KIR2DL1: variants seen among roughly 807,000 people sequenced by gnomAD.
The protein encoded by KIR2DL1 is killer cell immunoglobulin-like receptor 2DL1.
In KIR2DL1, 38 loss-of-function variants were observed where a neutral mutation model predicts 33.9. That is an observed-to-expected ratio of 1.12 (90% confidence interval 0.86 to 1.47). The LOEUF (loss-of-function observed/expected upper bound fraction) is 1.47. Among genes scored for constraint, KIR2DL1 ranks in the 40% most tolerant of loss-of-function variants. The probability of loss-of-function intolerance (pLI) is 0.00; values close to 1 mark genes in which losing one functional copy is unlikely to be tolerated. For missense variants in KIR2DL1, 531 were observed against 433.9 expected, an observed-to-expected ratio of 1.22 and a Z score of -1.99; for synonymous variants, 179 against 165.9, an observed-to-expected ratio of 1.08 and a Z score of -0.61.
intron 4 of KIR2DL1, among the ~76,000 whole-genome samples, chr19:54,778,172 ATGAT>A (rs957660191): frequency 6.8e-6 from 1 of 147,978 alleles, no homozygotes; most frequent in Admixed American, 6.9e-5. Flanking sequence ...AGGCAAGAGA[ATGAT>A]TGAACCCAGG....
intron 2 of KIR2DL1, among the ~76,000 whole-genome samples, chr19:54,772,377 C>G (rs867689208): frequency 6.1e-5 from 9 of 147,302 alleles, no homozygotes; most frequent in South Asian, 2.2e-4. Flanking sequence ...CCAGAGGGAA[C>G]GAAGCCCTGC....
At position 54,769,904 on chromosome 19, in the gene KIR2DL1, AGAGG is replaced by A; in HGVS notation, c.34+28_34+31del. 6.4e-7 allele frequency: 1 copy of A among 1,556,762 alleles called. No individual in the cohort carries two copies. The highest frequency in any genetic ancestry group is 8.8e-7 in the Non-Finnish European group (1 of 1,137,578). On this transcript the variant is annotated intron_variant, in intron 1 of 7. Transcript: ENST00000336077. ...GTGTTGGTGAGTCCTGGAAAGCAAT[AGAGG>A]GAGGGAGTGAGGGGATGGAGATCTG...
chr19:54,770,144 A>T (rs1479881851), intron 1 of KIR2DL1, among the ~76,000 whole-genome samples: 2 of 141,068 alleles, frequency 1.4e-5, no homozygotes, highest in African/African-American at 2.7e-5. Context: ...TGGAGGGGAG[A>T]TAGGAACCTG....
chr19:54,773,421 C>T lies in KIR2DL1; in HGVS notation c.159C>T (p.Val53=). 1.3e-6 allele frequency: 2 copies of T among 1,591,572 alleles called. No homozygotes were observed. Among genetic ancestry groups the T allele is most frequent in the Non-Finnish European group, 1.7e-6 (2 of 1,163,064 alleles). The change falls in exon 3 of 8, where the codon GTC becomes GTT. Residue 53 remains valine (V), a synonymous_variant. Transcript: ENST00000336077. ...ETVILQCWSD[V]MFEHFLLHRE... is the part of the protein sequence containing the mutation. ...TCATCCTGCAGTGTTGGTCAGATGT[C>T]ATGTTTGAACACTTCCTTCTGCACA...
Position 54,782,302 on chromosome 19 carries a change from T to G in KIR2DL1, c.716-620T>G, listed in dbSNP as rs1282250876. On this transcript the variant is annotated intron_variant, in intron 5 of 7. Transcript: ENST00000336077. Reference sequence around the variant, plus strand: ...AGTTGCTGTCTTAGGCCATTTTTGTTGCTCTAAAGGAACACTTGAGCCTCG... The same window carrying G: ...AGTTGCTGTCTTAGGCCATTTTTGTGGCTCTAAAGGAACACTTGAGCCTCG... Among the ~76,000 whole-genome samples, 689 of 152,034 alleles carry G rather than the reference T, an allele frequency of 4.5e-3. 5 individuals are homozygous for G. The highest frequency in any genetic ancestry group is 0.016 in the African/African-American group (657 of 41,368).
intron 5 of KIR2DL1, 131 bp downstream of exon 5, chr19:54,778,793 T>TCCCTTTCGCTGTAGGAGTATCTGG: frequency 8.5e-7 from 1 of 1,172,036 alleles, no homozygotes; most frequent in Non-Finnish European, 1.3e-6. Context: ...GAACTCCAGA[T>TCCCTTTCGCTGTAGGAGTATCTGG]ACTCCTACAG....
At chr19:54,779,778 C>T (rs554679634) in intron 5 of KIR2DL1, among the ~76,000 whole-genome samples, 3 of 149,012 alleles carry the variant, frequency 2.0e-5, no homozygotes, top group South Asian at 2.1e-4. Flanking sequence ...TGCATTTGGC[C>T]TCTGCCCTTG....
chr19:54,779,697 T>A (rs1375381116), intron 5 of KIR2DL1, among the ~76,000 whole-genome samples: 2 of 149,160 alleles, frequency 1.3e-5, no homozygotes, highest in Admixed American at 1.4e-4. Flanking sequence ...ATTCACAAGC[T>A]ATGGAGGCTA....
At chr19:54,781,464 C>A (rs868348231) in intron 5 of KIR2DL1, among the ~76,000 whole-genome samples, 4 of 150,566 alleles carry the variant, frequency 2.7e-5, no homozygotes, top group South Asian at 2.1e-4. Context: ...TCCCCCACCT[C>A]ACCCCTACTT....
At position 54,783,648 on chromosome 19, in the gene KIR2DL1, A is replaced by G. The variant is rs2077322041; in HGVS notation, c.882A>G (p.Glu294=). 1.2e-6 allele frequency: 2 copies of G among 1,613,994 alleles called. No homozygotes were observed. Among genetic ancestry groups the G allele is most frequent in the South Asian group, 2.2e-5 (2 of 91,080 alleles). Residue 294 remains glutamate, a synonymous_variant, in exon 8 of 8, where the codon GAA becomes GAG. Transcript: ENST00000336077. ...NRTANSEDSD[E]QDPQEVTYTQ... ...TTCCCTCTCTCCAGGACTCTGATGA[A>G]CAAGACCCTCAGGAGGTGACATACA...
At chr19:54,783,080 G>C in intron 6 of KIR2DL1, 57 bp downstream of exon 6, 1 of 1,555,698 alleles carries the variant, frequency 6.4e-7, no homozygotes, top group Non-Finnish European at 8.9e-7. Flanking sequence ...AAGCAGGATG[G>C]GAGCACTCAG....
chr19:54,769,805 G>A lies in KIR2DL1; in HGVS notation c.-46G>A, dbSNP rs1600669344. ...GGCGCCAAATAACATCCTGTGCGCT[G>A]CTGAGCTGAGCTCGGTCGCGGCTGC... On this transcript the variant is annotated 5_prime_UTR_variant, in exon 1 of 8. Coordinates refer to ENST00000336077, the MANE Select transcript of KIR2DL1 (RefSeq NM_014218.3). 3.2e-6 allele frequency: 5 copies of A among 1,560,120 alleles called. 1 individual carries two copies. Among genetic ancestry groups the A allele is most frequent in the Non-Finnish European group, 4.4e-6 (5 of 1,139,764 alleles).
At chr19:54,774,033 C>A (rs1193564011) in intron 3 of KIR2DL1, among the ~76,000 whole-genome samples, 22 of 147,962 alleles carry the variant, frequency 1.5e-4, no homozygotes, top group African/African-American at 5.0e-4. Context: ...CTGAGTTGGG[C>A]CCTGTGGCCT....
At chr19:54,776,139 A>G (rs1276688224) in intron 4 of KIR2DL1, among the ~76,000 whole-genome samples, 1 of 144,534 alleles carries the variant, frequency 6.9e-6, no homozygotes, top group South Asian at 2.2e-4. Flanking sequence ...ATCCACCCGC[A>G]TCAGCCTCCC....
In KIR2DL1 at chr19:54,771,487, G is replaced by A. The variant is rs1159936613; in HGVS notation, c.70+603G>A. 3.4e-5 allele frequency among the ~76,000 whole-genome samples: 5 copies of A among 147,516 alleles called. No homozygotes were observed. In the South Asian group the frequency reaches 1.1e-3, roughly 31 times the overall value. ...GTTTGCGGGATGGGTCCTTCCTTTA[G>A]CCCTGGGCACCAAGGTGTGATAGCA... On this transcript the variant is annotated intron_variant, in intron 2 of 7. Coordinates refer to ENST00000336077, the MANE Select transcript of KIR2DL1 (RefSeq NM_014218.3).
rs2077392899 is a variant in KIR2DL1 at position 54,784,023 on chromosome 19, C to T, written c.*210C>T. 2 of 798,846 alleles carry T rather than the reference C, an allele frequency of 2.5e-6. No individual in the cohort carries two copies. Among genetic ancestry groups the T allele is most frequent in the Non-Finnish European group, 4.0e-6 (2 of 498,408 alleles). The allele number at this position is 798,846 out of a possible 1,614,324, so 49.5% of individuals were successfully genotyped here. Reference sequence around the variant, plus strand: ...CCCACTGCCTGCTGGAGAAAAAACACACTCCTTTGCTTAACCCACAGTTCT... The same window carrying T: ...CCCACTGCCTGCTGGAGAAAAAACATACTCCTTTGCTTAACCCACAGTTCT... On this transcript the variant is annotated 3_prime_UTR_variant, in exon 8 of 8. Transcript: ENST00000336077.
At chr19:54,779,613 G>C (rs766427291) in intron 5 of KIR2DL1, among the ~76,000 whole-genome samples, 2 of 146,536 alleles carry the variant, frequency 1.4e-5, no homozygotes, top group African/African-American at 2.5e-5. Context: ...GGATACCCTT[G>C]TTTTAAGTTC....
At chr19:54,772,792 C>T (rs2075894073) in intron 2 of KIR2DL1, among the ~76,000 whole-genome samples, 3 of 144,514 alleles carry the variant, frequency 2.1e-5, no homozygotes, top group African/African-American at 7.6e-5. Flanking sequence ...GATGCCACCA[C>T]CAGGCTCCAT....
chr19:54,773,088 C>G (rs201158824), intron 2 of KIR2DL1, among the ~76,000 whole-genome samples: 12,042 of 123,270 alleles, frequency 0.098, no homozygotes, highest in South Asian at 0.15. Context: ...TACAACAGCC[C>G]AAGAGATGAG....
Sources: gnomAD v4.1 joint callset for allele counts (sites outside exome capture counted in the v4.1 genomes callset) on GRCh38, gnomAD v4.1.1 for gene constraint, MANE v1.5 for transcripts, NCBI Gene and HGNC (gene_info 2026-07-23, HGNC 2026-07-21) for gene names.